Variants in ARHGAP11A observed in about 807,000 individuals in gnomAD.
ARHGAP11A encodes the protein rho GTPase-activating protein 11A.
Under a neutral mutation model 60.5 loss-of-function variants are expected in ARHGAP11A, and 36 were observed. The ratio of observed to expected loss-of-function variants is 0.59; its 90% confidence interval spans 0.46 to 0.79. The LOEUF (loss-of-function observed/expected upper bound fraction) is 0.79. ARHGAP11A is among the 30% of genes least tolerant of loss of function. The pLI, the probability that ARHGAP11A is intolerant of heterozygous loss-of-function variation, is 0.00. For synonymous variants in ARHGAP11A, 362 were observed against 415.5 expected, an observed-to-expected ratio of 0.87 and a Z score of 1.57; for missense variants, 1,071 against 1,199.2, an observed-to-expected ratio of 0.89 and a Z score of 1.58.
chr15:32,618,095 T>A (rs1374282805), intron 1 of ARHGAP11A, among the ~76,000 whole-genome samples: 1 of 152,202 alleles, frequency 6.6e-6, no homozygotes, highest in Non-Finnish European at 1.5e-5. Context: ...TATAAGAATA[T>A]TCTAATGAAG....
chr15:32,635,807 A>C lies in ARHGAP11A; in HGVS notation c.1375A>C (p.Ser459Arg). The C allele has an allele frequency of 1.9e-6, 3 of 1,610,334 alleles. No individual in the cohort carries two copies. The highest frequency in any genetic ancestry group is 2.5e-6 in the Non-Finnish European group (3 of 1,178,884). Reference protein sequence around the residue: ...NGCSGVNRYESVGWRLANQQS... With the variant: ...NGCSGVNRYERVGWRLANQQS... ...ATGTTCTGGTGTCAATAGATATGAA[A>C]GTGTTGGTTGGCGACTTGCAAATCA... is the stretch of plus-strand genomic sequence containing the variant. Residue 459 changes from serine to arginine, a missense_variant, in exon 11 of 12, where the codon AGT becomes CGT. Physicochemically the swap from Ser to Arg is moderately radical, Grantham distance 110. This residue lies in a region of ARHGAP11A where 776 missense variants were observed against 760.2 expected (regional missense o/e 1.02). Transcript: ENST00000361627.
At chr15:32,627,608 A>G (rs961814517) in intron 6 of ARHGAP11A, among the ~76,000 whole-genome samples, 4 of 152,150 alleles carry the variant, frequency 2.6e-5, no homozygotes, top group Non-Finnish European at 4.4e-5. Context: ...GGGCGCCTGT[A>G]GTCCCAGCTA....
rs1056522589 is a variant in ARHGAP11A at position 32,639,158 on chromosome 15, G to GA, written c.*1316dup. 2 of 152,502 alleles carry GA rather than the reference G, an allele frequency of 1.3e-5. No homozygotes were observed. The highest frequency in any genetic ancestry group is 2.9e-5 in the Non-Finnish European group (2 of 68,028). The allele number at this position is 152,502 out of a possible 1,614,324, so 9.4% of individuals were successfully genotyped here. ...TTATTACAAATTACACATCTTTGAG[G>GA]AAAGAGTATTATGAACAATAGAACA... On this transcript the variant is annotated 3_prime_UTR_variant, in exon 12 of 12. Coordinates refer to ENST00000361627, the MANE Select transcript of ARHGAP11A (RefSeq NM_014783.6).
intron 7 of ARHGAP11A, among the ~76,000 whole-genome samples, chr15:32,629,165 G>T: frequency 6.9e-6 from 1 of 145,960 alleles, no homozygotes; most frequent in Non-Finnish European, 1.5e-5. Context: ...ATTTGCTTGT[G>T]GCTGAAATTA....
chr15:32,621,220 C>T (rs1409568996), intron 2 of ARHGAP11A, among the ~76,000 whole-genome samples: 6 of 101,458 alleles, frequency 5.9e-5, no homozygotes, highest in Admixed American at 2.7e-4. Context: ...ACAAGAGTTT[C>T]ACTCTTGTCG....
At chr15:32,625,266 A>G (rs1425312198) in intron 5 of ARHGAP11A, 23 bp downstream of exon 5, 2 of 1,576,734 alleles carry the variant, frequency 1.3e-6, no homozygotes, top group South Asian at 1.2e-5. Context: ...TGCATTATTA[A>G]CAGAATTTGT....
intron 9 of ARHGAP11A, among the ~76,000 whole-genome samples, chr15:32,633,713 A>G (rs764808046): frequency 1.3e-5 from 2 of 152,240 alleles, no homozygotes; most frequent in Non-Finnish European, 2.9e-5. Flanking sequence ...ATTCTGAGTT[A>G]TAACTGACTG....
chr15:32,616,415 C>CTAA, intron 1 of ARHGAP11A, 75 bp downstream of exon 1: 1 of 1,595,670 alleles, frequency 6.3e-7, no homozygotes, highest in Non-Finnish European at 8.5e-7. Flanking sequence ...CCAGATCGTG[C>CTAA]TAAAATGTTC....
Position 32,639,255 on chromosome 15 carries a change from G to T in ARHGAP11A, c.*1410G>T, listed in dbSNP as rs749038893. ...CTAAAGGTAGTTTTTCAGATTGGTT[G>T]TTAGAATGTCATGTTTAGATGTTGG... On this transcript the variant is annotated 3_prime_UTR_variant, in exon 12 of 12. Coordinates refer to ENST00000361627, the MANE Select transcript of ARHGAP11A (RefSeq NM_014783.6). The T allele has an allele frequency of 3.0e-4, 46 of 152,226 alleles. No individual in the cohort carries two copies. Among genetic ancestry groups the T allele is most frequent in the Admixed American group, 2.1e-3 (32 of 15,284 alleles). 9.4% of individuals were successfully genotyped at this position (152,226 alleles called of 1,614,324 possible).
At position 32,637,585 on chromosome 15, in the gene ARHGAP11A, G is replaced by C; in HGVS notation, c.2812G>C (p.Val938Leu). ...FLKMRKHPDS[V>L]NASLRSTTVY... Reference sequence around the variant, plus strand: ...AAAGATGAGGAAGCACCCAGATTCAGTGAATGCTTCTCTTAGGTCTACTAC... The same window carrying C: ...AAAGATGAGGAAGCACCCAGATTCACTGAATGCTTCTCTTAGGTCTACTAC... Residue 938 changes from valine to leucine, a missense_variant, in exon 12 of 12, where the codon GTG (valine) becomes CTG (leucine). Around this residue, in one of 4 missense-constraint regions of ARHGAP11A, gnomAD observed 776 missense variants for 760.2 expected, o/e 1.02. Coordinates refer to ENST00000361627, the MANE Select transcript of ARHGAP11A (RefSeq NM_014783.6). The C allele has an allele frequency of 6.2e-7, 1 of 1,614,190 alleles. No individual in the cohort carries two copies. Among genetic ancestry groups the C allele is most frequent in the Non-Finnish European group, 8.5e-7 (1 of 1,180,038 alleles).
Position 32,615,864 on chromosome 15 carries a change from AGTG to A in ARHGAP11A, c.-346_-344del. ...AGGGGGATCGTTGGAAGTAGCAAGA[AGTG>A]GAGAGAATCTGGCAATAGACGAGAA... On this transcript the variant is annotated 5_prime_UTR_variant, in exon 1 of 12. Transcript: ENST00000361627. 3.3e-6 allele frequency: 1 copy of A among 302,424 alleles called. No homozygotes were observed. Among genetic ancestry groups the A allele is most frequent in the Admixed American group, 4.6e-5 (1 of 21,608 alleles). 18.7% of individuals were successfully genotyped at this position (302,424 alleles called of 1,614,324 possible).
In ARHGAP11A at chr15:32,633,174, GT is replaced by G. The variant is rs1319804614; in HGVS notation, c.1235+70del. On this transcript the variant is annotated intron_variant, in intron 9 of 11. Transcript: ENST00000361627. Reference sequence around the variant, plus strand: ...TTGGTGTACACATAATTAATAAAATGTTTTGTCTTTCTGTCAAGCATCATAT... The same window carrying G: ...TTGGTGTACACATAATTAATAAAATGTTTGTCTTTCTGTCAAGCATCATAT... 6.1e-5 allele frequency: 95 copies of G among 1,548,786 alleles called. No individual in the cohort carries two copies. The African/African-American group carries it at 1.2e-3, about 19-fold the overall frequency.
chr15:32,630,031 G>A (rs1419232924), intron 8 of ARHGAP11A, among the ~76,000 whole-genome samples: 6 of 117,094 alleles, frequency 5.1e-5, no homozygotes, highest in Non-Finnish European at 1.0e-4. Context: ...TGGGCTTCTG[G>A]TGATAGCATT....
At chr15:32,631,047 T>A (rs962478473) in intron 8 of ARHGAP11A, among the ~76,000 whole-genome samples, 1 of 152,204 alleles carries the variant, frequency 6.6e-6, no homozygotes, top group Non-Finnish European at 1.5e-5. Flanking sequence ...TCTTGTGCTA[T>A]TTTTAGTTTG....
chr15:32,633,191 A>G, intron 9 of ARHGAP11A, 83 bp downstream of exon 9: 4 of 1,488,384 alleles, frequency 2.7e-6, no homozygotes, highest in Non-Finnish European at 3.7e-6. Context: ...CTTTCTGTCA[A>G]GCATCATATT....
At chr15:32,636,007 T>C in intron 11 of ARHGAP11A, 92 bp downstream of exon 11, 1 of 1,453,186 alleles carries the variant, frequency 6.9e-7, no homozygotes, top group Non-Finnish European at 9.1e-7. Context: ...TTTACTGTTC[T>C]AGAGATTAAA....
At position 32,625,069 on chromosome 15, in the gene ARHGAP11A, A is replaced by G; in HGVS notation, c.552-11A>G. 6.2e-7 allele frequency: 1 copy of G among 1,613,554 alleles called. No homozygotes were observed. The highest frequency in any genetic ancestry group is 8.5e-7 in the Non-Finnish European group (1 of 1,179,684). ...TTTGGCTCCATCTAATAAAGCGTTT[A>G]TTCACTTAAGATCCAGTGAGAATAA... On this transcript the variant is annotated splice_polypyrimidine_tract_variant and intron_variant, in intron 4 of 11. Coordinates refer to ENST00000361627, the MANE Select transcript of ARHGAP11A (RefSeq NM_014783.6).
At chr15:32,621,296 T>C (rs1182535005) in intron 2 of ARHGAP11A, among the ~76,000 whole-genome samples, 44 of 150,236 alleles carry the variant, frequency 2.9e-4, no homozygotes, top group Non-Finnish European at 4.7e-4. Context: ...GTTCAAGTGA[T>C]TCTCCTGCCT....
upstream of ARHGAP11A, chr15:32,615,191 A>T (rs1257502059): frequency 6.6e-6 from 1 of 152,156 alleles, no homozygotes; most frequent in Non-Finnish European, 1.5e-5. Context: ...CCAAGCTCGG[A>T]AAAGAACGGG....
Sources: gnomAD v4.1 joint callset for allele counts (sites outside exome capture counted in the v4.1 genomes callset) on GRCh38, gnomAD v4.1.1 for gene constraint, gnomAD v4.1.1 regional missense constraint, MANE v1.5 for transcripts, NCBI Gene and HGNC (gene_info 2026-07-23, HGNC 2026-07-21) for gene names.